The following PRKN variants were observed in gnomAD, a reference collection of about 807,000 sequenced individuals.
PRKN encodes the protein parkin RBR E3 ubiquitin protein ligase, also known as E3 ubiquitin-protein ligase parkin.
Under a neutral mutation model 59.5 loss-of-function variants are expected in PRKN, and 56 were observed. That is an observed-to-expected ratio of 0.94 (90% CI 0.76 to 1.18). PRKN has a LOEUF of 1.18. Ranked by LOEUF, PRKN falls within the 50% of genes most tolerant of loss-of-function variation. The probability of loss-of-function intolerance (pLI) is 0.00; values close to 1 mark genes in which losing one functional copy is unlikely to be tolerated. For synonymous variants in PRKN, 250 were observed against 222.1 expected (o/e 1.13, Z -1.12); for missense variants, 657 against 596.4 (o/e 1.10, Z -1.06).
intron 1 of PRKN, among the ~76,000 whole-genome samples, chr6:162,511,597 T>C (rs943879032): frequency 2.0e-5 from 3 of 152,174 alleles, no homozygotes; most frequent in Non-Finnish European, 4.4e-5. Context: ...TTCTCTATAT[T>C]GTTCATGGAC....
intron 4 of PRKN, among the ~76,000 whole-genome samples, chr6:162,191,068 A>C (rs1297913317): frequency 1.3e-5 from 2 of 152,344 alleles, no homozygotes; most frequent in Non-Finnish European, 2.9e-5. Flanking sequence ...AGGCAAAGTG[A>C]TACAAATAGG....
intron 1 of PRKN, among the ~76,000 whole-genome samples, chr6:162,550,610 T>G (rs1411611960): frequency 7.2e-5 from 11 of 152,190 alleles, no homozygotes; most frequent in African/African-American, 2.4e-4. Context: ...TTCTGAGCAG[T>G]ACAGCATCTG....
intron 2 of PRKN, among the ~76,000 whole-genome samples, chr6:162,322,552 C>T (rs1051085015): frequency 1.3e-5 from 2 of 151,974 alleles, no homozygotes; most frequent in African/African-American, 4.8e-5. Flanking sequence ...TGTAAAGCTA[C>T]AGAAATCAAG....
intron 8 of PRKN, among the ~76,000 whole-genome samples, chr6:161,559,982 G>A (rs1449189597): frequency 6.6e-6 from 1 of 152,138 alleles, no homozygotes; most frequent in Admixed American, 6.6e-5. Context: ...CAACAGCCAG[G>A]TGCTCTGGAT....
chr6:162,313,971 T>C (rs564680083), intron 2 of PRKN, among the ~76,000 whole-genome samples: 1 of 152,310 alleles, frequency 6.6e-6, no homozygotes, highest in African/African-American at 2.4e-5. Flanking sequence ...TTAAAAATCA[T>C]TTCATTGTTA....
chr6:162,295,241 C>A (rs1781614533), intron 2 of PRKN, among the ~76,000 whole-genome samples: 1 of 152,180 alleles, frequency 6.6e-6, no homozygotes, highest in Non-Finnish European at 1.5e-5. Flanking sequence ...GCCAAGCTTT[C>A]TTACCAGAGG....
chr6:162,186,278 T>G (rs747295182), intron 4 of PRKN, among the ~76,000 whole-genome samples: 7 of 151,894 alleles, frequency 4.6e-5, no homozygotes, highest in Non-Finnish European at 1.0e-4. Context: ...AATTTACAAA[T>G]CTAAACATCA....
intron 6 of PRKN, among the ~76,000 whole-genome samples, chr6:161,830,377 G>A (rs1039868775): frequency 1.1e-4 from 17 of 151,548 alleles, no homozygotes; most frequent in African/African-American, 2.4e-4. Flanking sequence ...TCAGCCTCCC[G>A]AGGAGCTGGG....
At chr6:162,569,598 C>G (rs776681397) in intron 1 of PRKN, 2 of 715,598 alleles carry the variant, frequency 2.8e-6, no homozygotes, top group Admixed American at 1.8e-5. Context: ...GGCCTGGGCT[C>G]CAGCTTTGGC....
intron 1 of PRKN, among the ~76,000 whole-genome samples, chr6:162,571,767 C>A (rs142064369): frequency 1.3e-5 from 2 of 151,828 alleles, no homozygotes; most frequent in Non-Finnish European, 2.9e-5. Context: ...ATATGCTCAA[C>A]GAGGAAAGAG....
intron 2 of PRKN, among the ~76,000 whole-genome samples, chr6:162,405,723 A>G (rs1788026500): frequency 6.6e-6 from 1 of 152,126 alleles, no homozygotes; most frequent in South Asian, 2.1e-4. Flanking sequence ...GCGTTGCAGG[A>G]GCCCAGAAGA....
intron 4 of PRKN, among the ~76,000 whole-genome samples, chr6:162,169,975 T>C (rs1189026336): frequency 1.3e-5 from 2 of 152,158 alleles, no homozygotes; most frequent in African/African-American, 4.8e-5. Context: ...CAACAGAATA[T>C]CCTCGAGTAG....
At chr6:162,069,645 C>T (rs144836904) in intron 4 of PRKN, among the ~76,000 whole-genome samples, 12 of 152,214 alleles carry the variant, frequency 7.9e-5, no homozygotes, top group East Asian at 7.7e-4. Flanking sequence ...AGGCTCACTA[C>T]GGTTAATTCT....
intron 6 of PRKN, among the ~76,000 whole-genome samples, chr6:161,952,727 G>C (rs1054965777): frequency 6.6e-6 from 1 of 152,206 alleles, no homozygotes; most frequent in Non-Finnish European, 1.5e-5. Context: ...GAACCCAAGA[G>C]AGACAGATAT....
chr6:161,948,510 G>C (rs933597995), intron 6 of PRKN, among the ~76,000 whole-genome samples: 1 of 152,184 alleles, frequency 6.6e-6, no homozygotes, highest in Non-Finnish European at 1.5e-5. Flanking sequence ...AGGTAGACTA[G>C]CACATTGCAT....
rs1790031394 is a variant in PRKN, at chr6:161,457,637, A to C, written c.1084-70760T>G. ...TCTGTGATCTGAGGGCTGAAGATACATTACTGAAAACTCCAAGAAGGTCAG... is the reference window on the plus strand; with the variant it reads ...TCTGTGATCTGAGGGCTGAAGATACCTTACTGAAAACTCCAAGAAGGTCAG... On this transcript the variant is annotated intron_variant, in intron 9 of 11. Transcript: ENST00000366898. The surrounding 1 kb of genome is among the most constrained non-coding windows in gnomAD (Gnocchi z 5.0). 2.0e-5 allele frequency among the ~76,000 whole-genome samples: 3 copies of C among 152,340 alleles called. No homozygotes were observed. In the South Asian group the frequency reaches 6.2e-4, roughly 32 times the overall value.
In PRKN at chr6:161,619,326, T is replaced by C. The variant is rs1480024627; in HGVS notation, c.872-49910A>G. Among the ~76,000 whole-genome samples, 5 of 15,958 alleles carry C rather than the reference T, an allele frequency of 3.1e-4. No individual in the cohort carries two copies. In the African/African-American group the frequency reaches 4.2e-3, roughly 13 times the overall value. 10.5% of individuals were successfully genotyped at this position (15,958 alleles called of 152,430 possible). On this transcript the variant is annotated intron_variant, in intron 7 of 11. Transcript: ENST00000366898. ...TAGGGAAAGTCATTTGCTAAGCTGC[T>C]TTTTTTTTTTTTTTCTTCTCCTTAC... is the stretch of plus-strand genomic sequence containing the variant.
At chr6:162,592,438 A>C (rs1781348005) in intron 1 of PRKN, among the ~76,000 whole-genome samples, 1 of 152,196 alleles carries the variant, frequency 6.6e-6, no homozygotes, top group Non-Finnish European at 1.5e-5. Flanking sequence ...ATTCAGCTTT[A>C]TGATGAATAT....
At chr6:161,627,522 C>T (rs969007589) in intron 7 of PRKN, among the ~76,000 whole-genome samples, 10 of 152,210 alleles carry the variant, frequency 6.6e-5, no homozygotes, top group African/African-American at 2.4e-4. Flanking sequence ...TAAAGCCCAT[C>T]GCCAGACAGT....
Sources: gnomAD v4.1 joint callset for allele counts (sites outside exome capture counted in the v4.1 genomes callset) on GRCh38, gnomAD v4.1.1 for gene constraint, Gnocchi (gnomAD v3.1) non-coding constraint, MANE v1.5 for transcripts, NCBI Gene and HGNC (gene_info 2026-07-23, HGNC 2026-07-21) for gene names.